LHFPL3: variants seen among roughly 807,000 people sequenced by gnomAD.
LHFPL3 encodes the protein LHFPL tetraspan subfamily member 3.
In LHFPL3, 5 loss-of-function variants were observed where a neutral mutation model predicts 19.3. The observed-to-expected ratio is 0.26, with a 90% CI of 0.14 to 0.54. The LOEUF is 0.54. LHFPL3 is among the 20% of genes least tolerant of loss of function. The pLI is 0.94. For synonymous variants in LHFPL3, 133 were observed against 126.2 expected (o/e 1.05, Z -0.36); for missense variants, 249 against 307.4 (o/e 0.81, Z 1.42).
At chr7:104,669,469 A>C in intron 1 of LHFPL3, 2 of 1,612,734 alleles carry the variant, frequency 1.2e-6, no homozygotes, top group Non-Finnish European at 1.7e-6. Flanking sequence ...ACCTGAGCCA[A>C]AGAAACCTGA....
At chr7:104,850,175 G>A (rs1791390722) in intron 2 of LHFPL3, among the ~76,000 whole-genome samples, 1 of 152,128 alleles carries the variant, frequency 6.6e-6, no homozygotes, top group Non-Finnish European at 1.5e-5. Flanking sequence ...GGTGGCACAT[G>A]CCTGTAATCC....
chr7:104,597,560 A>G (rs1410324098), intron 1 of LHFPL3, among the ~76,000 whole-genome samples: 1 of 152,182 alleles, frequency 6.6e-6, no homozygotes, highest in Admixed American at 6.5e-5. Flanking sequence ...CTCTATTGAC[A>G]TGGTGGGGGG....
intron 1 of LHFPL3, among the ~76,000 whole-genome samples, chr7:104,507,538 A>T (rs1235397321): frequency 2.6e-5 from 3 of 115,084 alleles, no homozygotes; most frequent in African/African-American, 9.6e-5. Context: ...CATTCAGGAC[A>T]TAGGCATGGG....
At chr7:104,334,887 T>C (rs939070074) in intron 1 of LHFPL3, among the ~76,000 whole-genome samples, 2 of 152,142 alleles carry the variant, frequency 1.3e-5, no homozygotes, top group Admixed American at 1.3e-4. Flanking sequence ...AGAGATTGGG[T>C]TTTCTTTCAG....
intron 1 of LHFPL3, among the ~76,000 whole-genome samples, chr7:104,717,260 A>G (rs1414208522): frequency 6.6e-6 from 1 of 152,128 alleles, no homozygotes; most frequent in Non-Finnish European, 1.5e-5. Flanking sequence ...GATTTTATGA[A>G]TATGACACCA....
chr7:104,814,340 T>C (rs1371067802), intron 2 of LHFPL3, among the ~76,000 whole-genome samples: 1 of 152,020 alleles, frequency 6.6e-6, no homozygotes, highest in Non-Finnish European at 1.5e-5. Context: ...CTATCATCTC[T>C]CCATCGTCTC....
Position 104,413,711 on chromosome 7 carries a change from G to T in LHFPL3, c.445+84487G>T, listed in dbSNP as rs1791572562. Among the ~76,000 whole-genome samples the T allele has an allele frequency of 2.0e-5, 3 of 152,224 alleles. No individual in the cohort carries two copies. The South Asian group carries it at 6.2e-4, about 32-fold the overall frequency. On this transcript the variant is annotated intron_variant, in intron 1 of 2. Coordinates refer to ENST00000424859, the MANE Select transcript of LHFPL3 (RefSeq NM_199000.3). ...CTCACCTCCAGTGAAGCCTTTCTAG[G>T]CTGGTCCGAACCATCATGCATTCTT...
At chr7:104,374,604 A>G (rs1218876390) in intron 1 of LHFPL3, among the ~76,000 whole-genome samples, 6 of 152,138 alleles carry the variant, frequency 3.9e-5, no homozygotes, top group Admixed American at 3.9e-4. Flanking sequence ...AGACACATGA[A>G]AAATGGAAAT....
intron 1 of LHFPL3, among the ~76,000 whole-genome samples, chr7:104,617,760 C>T (rs1791374630): frequency 6.6e-6 from 1 of 152,108 alleles, no homozygotes; most frequent in Non-Finnish European, 1.5e-5. Flanking sequence ...TTGGTGTTTT[C>T]TTTAATATAT....
rs1554422789 is a variant in LHFPL3, at chr7:104,670,870, T to TTG, written c.446-65804_446-65803insGT. Among the ~76,000 whole-genome samples the TTG allele has an allele frequency of 5.9e-5, 9 of 152,032 alleles. No individual in the cohort carries two copies. The South Asian group carries it at 1.7e-3, about 28-fold the overall frequency. On this transcript the variant is annotated intron_variant, in intron 1 of 2. Transcript: ENST00000424859. ...CAGACCAATGTGTTTTGTTTTGTTT[T>TTG]TTTTTTTTTAAGCTTCCCTTGAGAG...
intron 2 of LHFPL3, chr7:104,752,691 C>T (rs1794196529): frequency 2.6e-6 from 1 of 388,362 alleles, no homozygotes; most frequent in South Asian, 1.3e-4. Context: ...ATCACCCTAG[C>T]TTCTTCCGAG....
At chr7:104,620,727 G>T (rs1791429373) in intron 1 of LHFPL3, among the ~76,000 whole-genome samples, 1 of 152,168 alleles carries the variant, frequency 6.6e-6, no homozygotes, top group South Asian at 2.1e-4. Context: ...CATTACTGAG[G>T]ATCTTGAAAT....
At chr7:104,761,539 G>A (rs542790679) in intron 2 of LHFPL3, among the ~76,000 whole-genome samples, 2 of 152,170 alleles carry the variant, frequency 1.3e-5, no homozygotes, top group South Asian at 4.2e-4. Context: ...CTGTACTCTG[G>A]TGCTGGTTTC....
At chr7:104,595,095 G>A (rs1417351899) in intron 1 of LHFPL3, among the ~76,000 whole-genome samples, 2 of 152,200 alleles carry the variant, frequency 1.3e-5, no homozygotes, top group East Asian at 1.9e-4. Context: ...GCAAGGAGCT[G>A]TGAACCTTTC....
chr7:104,566,008 G>C (rs952084739), intron 1 of LHFPL3, among the ~76,000 whole-genome samples: 1 of 152,004 alleles, frequency 6.6e-6, no homozygotes, highest in Admixed American at 6.6e-5. Flanking sequence ...GCCAAATAGA[G>C]GTAGGAACTG....
chr7:104,693,917 C>T (rs1302072218), intron 1 of LHFPL3, among the ~76,000 whole-genome samples: 1 of 152,076 alleles, frequency 6.6e-6, no homozygotes, highest in African/African-American at 2.4e-5. Context: ...AGGCGCGAGC[C>T]ACTGCACCTG....
At chr7:104,515,684 A>G (rs1211298121) in intron 1 of LHFPL3, among the ~76,000 whole-genome samples, 1 of 152,180 alleles carries the variant, frequency 6.6e-6, no homozygotes, top group African/African-American at 2.4e-5. Flanking sequence ...GTTTATTGGC[A>G]TAAGTAACAA....
intron 1 of LHFPL3, among the ~76,000 whole-genome samples, chr7:104,602,020 C>CTTTTTTTTTTTTTTTTTTTTTTTTTTTT (rs57501560): frequency 1.1e-5 from 1 of 91,456 alleles, no homozygotes; most frequent in Non-Finnish European, 1.9e-5. Flanking sequence ...TTTTTCTTTT[C>CTTTTTTTTTTTTTTTTTTTTTTTTTTTT]TTTTTTTTTT....
intron 2 of LHFPL3, among the ~76,000 whole-genome samples, chr7:104,884,385 A>G (rs908483097): frequency 2.0e-5 from 3 of 152,030 alleles, no homozygotes; most frequent in South Asian, 2.1e-4. Context: ...GTTCTGTCCA[A>G]TCCTCTACCT....
Sources: gnomAD v4.1 joint callset for allele counts (sites outside exome capture counted in the v4.1 genomes callset) on GRCh38, gnomAD v4.1.1 for gene constraint, MANE v1.5 for transcripts, NCBI Gene and HGNC (gene_info 2026-07-23, HGNC 2026-07-21) for gene names.